The following MAN1A2 variants were observed in gnomAD, a reference collection of about 807,000 sequenced individuals.
MAN1A2 encodes mannosidase alpha class 1A member 2, also known as mannosyl-oligosaccharide 1,2-alpha-mannosidase IB.
In MAN1A2, 26 loss-of-function variants were observed where a neutral mutation model predicts 75.7. The observed-to-expected ratio is 0.34, with a 90% confidence interval of 0.25 to 0.48. MAN1A2 has a LOEUF of 0.48. MAN1A2 is among the 20% of genes least tolerant of loss of function. The pLI is 0.99. For missense variants in MAN1A2, 562 were observed against 775.5 expected, an observed-to-expected ratio of 0.72 and a Z score of 3.27; for synonymous variants, 247 against 264.6, an observed-to-expected ratio of 0.93 and a Z score of 0.65.
chr1:117,498,129 T>G (rs1166695270), intron 10 of MAN1A2, among the ~76,000 whole-genome samples: 1 of 151,848 alleles, frequency 6.6e-6, no homozygotes, highest in Admixed American at 6.6e-5. Context: ...TAGGGTAGTT[T>G]AAGTGTTGTT....
At position 117,458,735 on chromosome 1, in the gene MAN1A2, G is replaced by C. The variant is rs201594502; in HGVS notation, c.951-1754G>C. 5.7e-4 allele frequency among the ~76,000 whole-genome samples: 87 copies of C among 151,738 alleles called. 1 individual carries two copies. The East Asian group carries it at 0.01, about 18-fold the overall frequency. The stretch of plus-strand genomic sequence containing the variant: ...AATGGGGTTTCACCATGTTAGCCAG[G>C]CTGGTCTTGAACTCCTGACCTCAGG... On this transcript the variant is annotated intron_variant, in intron 6 of 12. Coordinates refer to ENST00000356554, the MANE Select transcript of MAN1A2 (RefSeq NM_006699.5).
At chr1:117,506,271 G>A (rs933306665) in intron 12 of MAN1A2, among the ~76,000 whole-genome samples, 3 of 151,512 alleles carry the variant, frequency 2.0e-5, no homozygotes, top group Admixed American at 6.6e-5. Context: ...ATGTGTTTTA[G>A]CTACCAGAGA....
In MAN1A2 at chr1:117,395,044, C is replaced by T. The variant is rs548863420; in HGVS notation, c.303-7142C>T. Among the ~76,000 whole-genome samples the T allele has an allele frequency of 5.9e-5, 9 of 152,254 alleles. No individual in the cohort carries two copies. The South Asian group carries it at 1.9e-3, about 32-fold the overall frequency. ...ATCCAGAATGCTTCCAAACATGATT[C>T]AAGAGCCACAGCGGCTTAAGCAAGA... On this transcript the variant is annotated intron_variant, in intron 1 of 12. Transcript: ENST00000356554.
At chr1:117,385,316 A>G (rs1236721607) in intron 1 of MAN1A2, among the ~76,000 whole-genome samples, 1 of 152,168 alleles carries the variant, frequency 6.6e-6, no homozygotes, top group Non-Finnish European at 1.5e-5. Context: ...CAAATCAGAC[A>G]TGTGATAGAC....
intron 8 of MAN1A2, among the ~76,000 whole-genome samples, chr1:117,488,629 A>G (rs1650787449): frequency 6.6e-6 from 1 of 152,098 alleles, no homozygotes; most frequent in Admixed American, 6.6e-5. Context: ...GATGCCAGAA[A>G]TGTACTATAG....
At chr1:117,400,644 A>G (rs1385172750) in intron 1 of MAN1A2, among the ~76,000 whole-genome samples, 2 of 152,162 alleles carry the variant, frequency 1.3e-5, no homozygotes, top group South Asian at 2.1e-4. Context: ...TCACTCGGAT[A>G]AGAATGCCTT....
At chr1:117,385,291 G>A (rs1570699622) in intron 1 of MAN1A2, among the ~76,000 whole-genome samples, 1 of 152,166 alleles carries the variant, frequency 6.6e-6, no homozygotes, top group East Asian at 1.9e-4. Context: ...CTGTGCTGGA[G>A]GATATACCAG....
intron 1 of MAN1A2, among the ~76,000 whole-genome samples, chr1:117,390,867 G>A (rs923602279): frequency 2.0e-5 from 3 of 151,286 alleles, no homozygotes; most frequent in Admixed American, 6.6e-5. Flanking sequence ...ATTTTCTTTC[G>A]GTTCAGGGCA....
chr1:117,450,371 T>TTA (rs1260719980), intron 6 of MAN1A2, among the ~76,000 whole-genome samples: 1 of 152,162 alleles, frequency 6.6e-6, no homozygotes, highest in African/African-American at 2.4e-5. Context: ...TTGGGTGCTG[T>TTA]TAAAGGCATT....
intron 8 of MAN1A2, among the ~76,000 whole-genome samples, chr1:117,479,619 G>A (rs1460830858): frequency 6.6e-6 from 1 of 151,644 alleles, no homozygotes; most frequent in Non-Finnish European, 1.5e-5. Context: ...TTTATTTTTT[G>A]ACTTTTTAAT....
chr1:117,451,821 C>G (rs554942471), intron 6 of MAN1A2, among the ~76,000 whole-genome samples: 1 of 152,200 alleles, frequency 6.6e-6, no homozygotes, highest in South Asian at 2.1e-4. Flanking sequence ...ATGTCTTTAT[C>G]AGCAGTGTGA....
At chr1:117,491,547 T>C (rs1650883859) in intron 8 of MAN1A2, among the ~76,000 whole-genome samples, 1 of 152,040 alleles carries the variant, frequency 6.6e-6, no homozygotes, top group African/African-American at 2.4e-5. Flanking sequence ...CCCAAGGAGA[T>C]TAATGTTGGT....
At chr1:117,377,470 C>A (rs1283599987) in intron 1 of MAN1A2, among the ~76,000 whole-genome samples, 1 of 152,160 alleles carries the variant, frequency 6.6e-6, no homozygotes, top group Non-Finnish European at 1.5e-5. Flanking sequence ...AGGGATTTAT[C>A]CTTGGGAAAT....
At chr1:117,452,126 A>G (rs1649439787) in intron 6 of MAN1A2, among the ~76,000 whole-genome samples, 1 of 151,906 alleles carries the variant, frequency 6.6e-6, no homozygotes, top group African/African-American at 2.4e-5. Context: ...AGCCAATGTG[A>G]TGAAACCCCA....
chr1:117,495,983 G>A (rs769808436), intron 9 of MAN1A2, among the ~76,000 whole-genome samples: 1 of 151,876 alleles, frequency 6.6e-6, no homozygotes, highest in Non-Finnish European at 1.5e-5. Flanking sequence ...TACATTATAT[G>A]CCTTCTGGAA....
At chr1:117,460,882 C>T (rs1649796297) in intron 7 of MAN1A2, among the ~76,000 whole-genome samples, 1 of 152,104 alleles carries the variant, frequency 6.6e-6, no homozygotes, top group Non-Finnish European at 1.5e-5. Context: ...GCTGCGGTAC[C>T]TACCCAGCCT....
At chr1:117,454,140 G>A (rs576511132) in intron 6 of MAN1A2, among the ~76,000 whole-genome samples, 5 of 152,214 alleles carry the variant, frequency 3.3e-5, no homozygotes, top group South Asian at 2.1e-4. Flanking sequence ...ACTGAGATAC[G>A]AAAAAGTTTG....
intron 8 of MAN1A2, among the ~76,000 whole-genome samples, chr1:117,487,220 T>G (rs1358342647): frequency 6.6e-6 from 1 of 151,996 alleles, no homozygotes; most frequent in East Asian, 1.9e-4. Context: ...AGAATGTGAT[T>G]CAGTAAAACA....
chr1:117,506,240 T>C (rs575286421), intron 12 of MAN1A2, among the ~76,000 whole-genome samples: 1 of 151,696 alleles, frequency 6.6e-6, no homozygotes, highest in South Asian at 2.1e-4. Flanking sequence ...TTACTGCGGA[T>C]TCATTAAAAG....
Sources: gnomAD v4.1 joint callset for allele counts (sites outside exome capture counted in the v4.1 genomes callset) on GRCh38, gnomAD v4.1.1 for gene constraint, MANE v1.5 for transcripts, NCBI Gene and HGNC (gene_info 2026-07-23, HGNC 2026-07-21) for gene names.